The following RANBP2 variants were observed in gnomAD, a reference collection of about 807,000 sequenced individuals.
RANBP2 encodes the protein RAN binding protein 2.
Under a neutral mutation model 303.6 loss-of-function variants are expected in RANBP2, and 57 were observed. The observed-to-expected ratio is 0.19, with a 90% CI of 0.15 to 0.23. The LOEUF (loss-of-function observed/expected upper bound fraction) is 0.23. RANBP2 is among the 10% of genes least tolerant of loss of function. The pLI is 1.00. For synonymous variants in RANBP2, 1,167 were observed against 1,301.5 expected, an observed-to-expected ratio of 0.90 and a Z score of 2.23; for missense variants, 3,138 against 3,780.8, an observed-to-expected ratio of 0.83 and a Z score of 4.46.
chr2:108,815,997 G>A, the RANBP2 span: 36 of 1,613,274 alleles, frequency 2.2e-5, no homozygotes, highest in South Asian at 3.3e-5. Flanking sequence ...ACTGGATTTC[G>A]GATCATCATC....
At chr2:108,823,824 G>A in the RANBP2 span, among the ~76,000 whole-genome samples, 1 of 152,050 alleles carries the variant, frequency 6.6e-6, no homozygotes, top group East Asian at 1.9e-4. Flanking sequence ...TAAAAATACA[G>A]AAATTAGTTG....
At chr2:109,599,854 A>C in the RANBP2 span, among the ~76,000 whole-genome samples, 1 of 152,206 alleles carries the variant, frequency 6.6e-6, no homozygotes, top group Non-Finnish European at 1.5e-5. Flanking sequence ...TATAGAAAAA[A>C]TATCATTTCT....
chr2:109,350,062 C>T, the RANBP2 span, among the ~76,000 whole-genome samples: 32 of 152,362 alleles, frequency 2.1e-4, no homozygotes, highest in East Asian at 6.0e-3. Flanking sequence ...TCACCAGGGG[C>T]AGGCCGGGCA....
At chr2:108,917,215 G>A in the RANBP2 span, among the ~76,000 whole-genome samples, 1 of 152,180 alleles carries the variant, frequency 6.6e-6, no homozygotes, top group African/African-American at 2.4e-5. Flanking sequence ...TAAAAGCAAC[G>A]CGCGGCTCGT....
chr2:108,884,246 A>T, the RANBP2 span: 1 of 152,226 alleles, frequency 6.6e-6, no homozygotes, highest in Non-Finnish European at 1.5e-5. Context: ...ATCTGGGCCC[A>T]ACTTGCTTTA....
the RANBP2 span, chr2:108,812,828 C>A: frequency 1.9e-6 from 3 of 1,612,260 alleles, no homozygotes; most frequent in South Asian, 3.3e-5. Flanking sequence ...AGAGGAAGTA[C>A]GAGTTTATGA....
the RANBP2 span, among the ~76,000 whole-genome samples, chr2:108,962,611 C>A: frequency 7.0e-6 from 1 of 143,394 alleles, no homozygotes; most frequent in Non-Finnish European, 1.5e-5. Flanking sequence ...GGAGGCGGAG[C>A]TTGCAGAGAG....
the RANBP2 span, chr2:108,910,733 T>C: frequency 6.2e-7 from 1 of 1,604,200 alleles, no homozygotes; most frequent in Non-Finnish European, 8.5e-7. Flanking sequence ...CACCCAGAGA[T>C]GGGCACCGTG....
the RANBP2 span, among the ~76,000 whole-genome samples, chr2:109,237,729 G>A: frequency 7.2e-5 from 11 of 152,226 alleles, no homozygotes; most frequent in Admixed American, 3.3e-4. Flanking sequence ...TTAAATGCCC[G>A]TGTCTTTGAT....
chr2:109,415,760 A>G, the RANBP2 span, among the ~76,000 whole-genome samples: 1 of 152,118 alleles, frequency 6.6e-6, no homozygotes, highest in South Asian at 2.1e-4. Context: ...CTCCCACCTT[A>G]GCCAGCCTGG....
At chr2:108,757,996 C>T (rs1198876662) in intron 17 of RANBP2, among the ~76,000 whole-genome samples, 1 of 152,108 alleles carries the variant, frequency 6.6e-6, no homozygotes, top group Non-Finnish European at 1.5e-5. Flanking sequence ...CAAATAGAAA[C>T]TTTCAAAAGA....
chr2:108,892,581 T>C, the RANBP2 span, among the ~76,000 whole-genome samples: 3 of 152,128 alleles, frequency 2.0e-5, no homozygotes, highest in African/African-American at 4.8e-5. Flanking sequence ...CTCAGAAAGG[T>C]GTGGGATCCA....
chr2:108,847,307 C>T, the RANBP2 span, among the ~76,000 whole-genome samples: 1 of 152,180 alleles, frequency 6.6e-6, no homozygotes, highest in African/African-American at 2.4e-5. Flanking sequence ...ATGAAGTTTT[C>T]TCCCACAACC....
chr2:108,790,175 C>T (rs1679674169), downstream of RANBP2, among the ~76,000 whole-genome samples: 1 of 152,066 alleles, frequency 6.6e-6, no homozygotes, highest in Admixed American at 6.6e-5. Context: ...TTTCATGTTG[C>T]ACTCACAAAA....
chr2:109,080,533 T>G, the RANBP2 span, among the ~76,000 whole-genome samples: 31,937 of 152,158 alleles, frequency 0.21, 4,010 homozygotes, highest in Middle Eastern at 0.3. Context: ...CTGACAGCTC[T>G]CATCTATCTC....
chr2:109,261,696 G>A, the RANBP2 span, among the ~76,000 whole-genome samples: 1 of 152,184 alleles, frequency 6.6e-6, no homozygotes. Flanking sequence ...GACTCTTATT[G>A]AATTGGGTGT....
chr2:109,133,750 A>T, the RANBP2 span, among the ~76,000 whole-genome samples: 2 of 147,650 alleles, frequency 1.4e-5, no homozygotes, highest in African/African-American at 2.5e-5. Flanking sequence ...TTGCACTCAA[A>T]CTTCTTTCCC....
At chr2:108,874,952 G>T in the RANBP2 span, among the ~76,000 whole-genome samples, 1 of 150,608 alleles carries the variant, frequency 6.6e-6, no homozygotes, top group African/African-American at 2.4e-5. Flanking sequence ...GTCCCAAAGT[G>T]CAAGTATAAC....
At chr2:109,409,845 G>A in the RANBP2 span, among the ~76,000 whole-genome samples, 3 of 152,094 alleles carry the variant, frequency 2.0e-5, no homozygotes, top group East Asian at 3.9e-4. Flanking sequence ...TTTACACCCC[G>A]TGTAATGGAG....
Sources: gnomAD v4.1 joint callset for allele counts (sites outside exome capture counted in the v4.1 genomes callset) on GRCh38, gnomAD v4.1.1 for gene constraint, MANE v1.5 for transcripts, NCBI Gene and HGNC (gene_info 2026-07-23, HGNC 2026-07-21) for gene names.